RYK: variants seen among roughly 807,000 people sequenced by gnomAD.
The protein encoded by RYK is inactive tyrosine-protein kinase RYK.
In RYK, 21 loss-of-function variants were observed where a neutral mutation model predicts 70.2. The observed-to-expected ratio is 0.30, with a 90% CI of 0.21 to 0.43. RYK has a LOEUF of 0.43. RYK is among the 20% of genes least tolerant of loss of function. The pLI, the probability that RYK is intolerant of heterozygous loss-of-function variation, is 1.00. For synonymous variants in RYK, 267 were observed against 278.0 expected (o/e 0.96, Z 0.39); for missense variants, 604 against 753.3 (o/e 0.80, Z 2.32).
chr3:134,240,101 C>T (rs1012873375), intron 1 of RYK, among the ~76,000 whole-genome samples: 9 of 152,088 alleles, frequency 5.9e-5, no homozygotes, highest in African/African-American at 2.2e-4. Context: ...AGCTCAACAG[C>T]TTAGATATTT....
At chr3:134,205,807 C>T (rs2014195999) in intron 5 of RYK, among the ~76,000 whole-genome samples, 1 of 152,158 alleles carries the variant, frequency 6.6e-6, no homozygotes, top group South Asian at 2.1e-4. Flanking sequence ...CCTATATTGC[C>T]TCGTCTATTT....
intron 1 of RYK, among the ~76,000 whole-genome samples, chr3:134,249,917 G>GTTTTTTTTTTTTTTTTTTTTTTTTTTTTT (rs71624038): frequency 6.4e-5 from 6 of 93,340 alleles, no homozygotes; most frequent in African/African-American, 2.6e-4. Flanking sequence ...TTTCTCTCTC[G>GTTTTTTTTTTTTTTTTTTTTTTTTTTTTT]TTTTTTTTTT....
At chr3:134,208,352 T>A (rs2014280019) in intron 4 of RYK, among the ~76,000 whole-genome samples, 1 of 152,114 alleles carries the variant, frequency 6.6e-6, no homozygotes, top group Admixed American at 6.5e-5. Flanking sequence ...AACTGAATGT[T>A]TTACACTCCT....
intron 1 of RYK, among the ~76,000 whole-genome samples, chr3:134,247,691 A>G (rs2015500208): frequency 6.7e-6 from 1 of 150,028 alleles, no homozygotes; most frequent in Non-Finnish European, 1.5e-5. Context: ...AACAAGAGCG[A>G]AACTCCGTCT....
chr3:134,203,195 A>C (rs7626278), intron 5 of RYK, among the ~76,000 whole-genome samples: 13,819 of 152,234 alleles, frequency 0.091, 1,287 homozygotes, highest in South Asian at 0.32. Context: ...TAAAAGTACG[A>C]AAATTAGCTG....
chr3:134,216,952 A>G (rs947990130), intron 2 of RYK, among the ~76,000 whole-genome samples: 3 of 152,148 alleles, frequency 2.0e-5, no homozygotes, highest in African/African-American at 7.2e-5. Flanking sequence ...GTGAAAAAGA[A>G]GCAATACCAG....
At chr3:134,173,740 A>G (rs1337070790) in intron 13 of RYK, among the ~76,000 whole-genome samples, 1 of 152,188 alleles carries the variant, frequency 6.6e-6, no homozygotes, top group African/African-American at 2.4e-5. Context: ...TAGCCAAACC[A>G]TATCAATATC....
At position 134,211,580 on chromosome 3, in the gene RYK, C is replaced by T. The variant is rs2014398002; in HGVS notation, c.382G>A (p.Asp128Asn). Residue 128 changes from aspartate to asparagine, a missense_variant, in exon 3 of 15, where the codon GAC becomes AAC. Physicochemically the swap from Asp to Asn is conservative, Grantham distance 23. Coordinates refer to ENST00000623711, the MANE Select transcript of RYK (RefSeq NM_002958.4). ...KVEYKLGFQV[D>N]NVLAMDMPQV... is the part of the protein sequence containing the mutation. ...GGCATATCCATTGCCAAAACATTGTCCACTTGGAATCCCAGCTTATATTCA... is the reference window on the plus strand; with the variant it reads ...GGCATATCCATTGCCAAAACATTGTTCACTTGGAATCCCAGCTTATATTCA... The T allele has an allele frequency of 6.2e-7, 1 of 1,613,520 alleles. No individual in the cohort carries two copies. The highest frequency in any genetic ancestry group is 1.3e-5 in the African/African-American group (1 of 75,010).
chr3:134,215,871 C>T (rs1166362648), intron 2 of RYK, among the ~76,000 whole-genome samples: 1 of 151,922 alleles, frequency 6.6e-6, no homozygotes, highest in Non-Finnish European at 1.5e-5. Flanking sequence ...AACCCCGTCT[C>T]TACTAAAAAT....
intron 6 of RYK, among the ~76,000 whole-genome samples, chr3:134,200,393 A>G (rs562820959): frequency 1.3e-5 from 2 of 152,270 alleles, no homozygotes; most frequent in South Asian, 4.1e-4. Context: ...CAGTGAGACC[A>G]TGAACCCACC....
At chr3:134,241,301 G>C (rs2015319988) in intron 1 of RYK, among the ~76,000 whole-genome samples, 1 of 150,702 alleles carries the variant, frequency 6.6e-6, no homozygotes. Flanking sequence ...AGTGAGCTGA[G>C]ATTGCACCAC....
At chr3:134,192,084 G>T in intron 7 of RYK, 110 bp from the exon 8 acceptor site, 1 of 1,064,022 alleles carries the variant, frequency 9.4e-7, no homozygotes, top group South Asian at 1.5e-5. Flanking sequence ...ATGAGTGTAA[G>T]AATCATAAAA....
At chr3:134,242,647 A>C (rs2015355236) in intron 1 of RYK, among the ~76,000 whole-genome samples, 1 of 152,202 alleles carries the variant, frequency 6.6e-6, no homozygotes, top group South Asian at 2.1e-4. Flanking sequence ...GCGTAACTGC[A>C]TCAAAACACC....
chr3:134,188,489 C>T (rs2013542141), intron 9 of RYK, among the ~76,000 whole-genome samples: 1 of 152,106 alleles, frequency 6.6e-6, no homozygotes, highest in African/African-American at 2.4e-5. Context: ...TGTACACACC[C>T]TTAGGCCAGC....
chr3:134,238,343 G>C (rs1275993392), intron 1 of RYK, among the ~76,000 whole-genome samples: 1 of 152,190 alleles, frequency 6.6e-6, no homozygotes, highest in East Asian at 1.9e-4. Flanking sequence ...TAAGTGTCTT[G>C]ATAGAACTGT....
intron 1 of RYK, among the ~76,000 whole-genome samples, chr3:134,225,428 CAAG>C (rs961124011): frequency 6.7e-6 from 1 of 148,544 alleles, no homozygotes; most frequent in Non-Finnish European, 1.5e-5. Flanking sequence ...ATAAAAAACA[CAAG>C]AAGATACAGT....
intron 2 of RYK, among the ~76,000 whole-genome samples, chr3:134,213,787 T>A (rs1179815063): frequency 6.6e-6 from 1 of 152,022 alleles, no homozygotes; most frequent in African/African-American, 2.4e-5. Context: ...CTCATGCAAA[T>A]CCCCTCTACT....
intron 13 of RYK, among the ~76,000 whole-genome samples, chr3:134,165,100 T>C (rs951161867): frequency 1.3e-5 from 2 of 152,242 alleles, no homozygotes; most frequent in Non-Finnish European, 2.9e-5. Context: ...ATGTATTGTA[T>C]AGCTCTTTCA....
At chr3:134,245,266 C>T (rs768050620) in intron 1 of RYK, among the ~76,000 whole-genome samples, 1 of 152,040 alleles carries the variant, frequency 6.6e-6, no homozygotes, top group Non-Finnish European at 1.5e-5. Context: ...GACTGCCACA[C>T]GTCATCTTCA....
Sources: allele counts gnomAD v4.1 joint callset (sites outside exome capture counted in the v4.1 genomes callset), GRCh38; gene constraint gnomAD v4.1.1; transcripts MANE v1.5; gene names NCBI Gene and HGNC (gene_info 2026-07-23, HGNC 2026-07-21).